SNTG1: variants seen among roughly 807,000 people sequenced by gnomAD.
SNTG1 encodes gamma-1-syntrophin.
In SNTG1, 39 loss-of-function variants were observed where a neutral mutation model predicts 74.7. That is an observed-to-expected ratio of 0.52 (90% CI 0.40 to 0.68). SNTG1 has a LOEUF of 0.68. Ranked by LOEUF, SNTG1 falls within the 30% of genes least tolerant of loss-of-function variation. The probability of loss-of-function intolerance (pLI) is 0.00; values close to 1 mark genes in which losing one functional copy is unlikely to be tolerated. For missense variants in SNTG1, 685 were observed against 609.5 expected (o/e 1.12, Z -1.30); for synonymous variants, 254 against 217.1 (o/e 1.17, Z -1.49).
intron 2 of SNTG1, among the ~76,000 whole-genome samples, chr8:50,318,837 A>G (rs572129014): frequency 6.6e-6 from 1 of 152,148 alleles, no homozygotes; most frequent in Non-Finnish European, 1.5e-5. Flanking sequence ...TTCTATTTTA[A>G]TATACCTCTC....
chr8:50,730,287 G>A (rs974000677), intron 17 of SNTG1, among the ~76,000 whole-genome samples: 8 of 152,162 alleles, frequency 5.3e-5, no homozygotes, highest in East Asian at 1.9e-4. Context: ...GAGTGAGGCC[G>A]AGGGGATGAA....
intron 1 of SNTG1, among the ~76,000 whole-genome samples, chr8:50,074,525 C>G (rs529179016): frequency 6.6e-6 from 1 of 152,182 alleles, no homozygotes; most frequent in African/African-American, 2.4e-5. Context: ...GTTGTTGGAA[C>G]AGTCAAAACA....
intron 17 of SNTG1, among the ~76,000 whole-genome samples, chr8:50,751,450 C>T (rs1474801900): frequency 6.6e-6 from 1 of 152,000 alleles, no homozygotes; most frequent in Non-Finnish European, 1.5e-5. Flanking sequence ...TTACTTTCTG[C>T]TTCAGAGAAT....
At chr8:50,258,512 AT>A (rs1262356280) in intron 2 of SNTG1, among the ~76,000 whole-genome samples, 9 of 152,316 alleles carry the variant, frequency 5.9e-5, no homozygotes, top group Admixed American at 2.6e-4. Context: ...ATATTCAAAC[AT>A]TTAAAAAATT....
chr8:50,729,299 T>C (rs1365034370), intron 17 of SNTG1, among the ~76,000 whole-genome samples: 1 of 152,208 alleles, frequency 6.6e-6, no homozygotes, highest in Non-Finnish European at 1.5e-5. Context: ...ATATAATGTG[T>C]AGCCCTGGAT....
In SNTG1 at chr8:50,631,585, G is replaced by A. The variant is rs1458893386; in HGVS notation, c.850-25324G>A. On this transcript the variant is annotated intron_variant, in intron 13 of 18. Coordinates refer to ENST00000642720, the MANE Select transcript of SNTG1 (RefSeq NM_018967.5). ...GATCACATGTTATATAGGCAAATTC[G>A]AGAAGGATAAGTAAAGAGAAGCCCC... Among the ~76,000 whole-genome samples, 6 of 152,158 alleles carry A rather than the reference G, an allele frequency of 3.9e-5. No homozygotes were observed. In the South Asian group the frequency reaches 1.2e-3, roughly 32 times the overall value.
chr8:50,504,031 C>T (rs1359980922), intron 9 of SNTG1, among the ~76,000 whole-genome samples: 3 of 152,108 alleles, frequency 2.0e-5, no homozygotes, highest in African/African-American at 7.2e-5. Context: ...GTGTGGTTCT[C>T]CTCTATTTGT....
At chr8:50,677,015 C>A (rs938602464) in intron 15 of SNTG1, among the ~76,000 whole-genome samples, 14 of 151,652 alleles carry the variant, frequency 9.2e-5, no homozygotes, top group Non-Finnish European at 1.5e-4. Flanking sequence ...CAAAATAAAC[C>A]AACATCTTAT....
intron 1 of SNTG1, among the ~76,000 whole-genome samples, chr8:49,944,150 C>T (rs534011340): frequency 6.6e-6 from 1 of 152,172 alleles, no homozygotes; most frequent in East Asian, 1.9e-4. Context: ...TGATAGGATC[C>T]AAGTACCAAG....
intron 1 of SNTG1, among the ~76,000 whole-genome samples, chr8:49,938,669 TTCCTTCCTTCCC>T (rs768340752): frequency 2.6e-4 from 38 of 148,004 alleles, no homozygotes; most frequent in Admixed American, 2.0e-3. Flanking sequence ...TCTTCCTTCC[TTCCTTCCTTCCC>T]TCCTTCTTTC....
intron 2 of SNTG1, among the ~76,000 whole-genome samples, chr8:50,361,569 G>A (rs2091960291): frequency 6.6e-6 from 1 of 152,120 alleles, no homozygotes; most frequent in Non-Finnish European, 1.5e-5. Flanking sequence ...CAAAGTCGCT[G>A]GGATTACAGG....
intron 1 of SNTG1, among the ~76,000 whole-genome samples, chr8:50,005,189 AAAG>A (rs139378892): frequency 0.027 from 4,067 of 152,188 alleles, 79 homozygotes; most frequent in Non-Finnish European, 0.037. Context: ...AAGCATACCT[AAAG>A]AAGAAAAATA....
In SNTG1 at chr8:50,351,327, C is replaced by A. The variant is rs142412988; in HGVS notation, c.-27-42885C>A. ...TGATGGAACACTTCTACACACAGAA[C>A]GTCCCTTCACTCACCATTTGGCTAC... is the stretch of plus-strand genomic sequence containing the variant. On this transcript the variant is annotated intron_variant, in intron 2 of 18. Transcript: ENST00000642720. Among the ~76,000 whole-genome samples the A allele has an allele frequency of 4.0e-3, 602 of 152,306 alleles. 7 individuals are homozygous for A. Among genetic ancestry groups the A allele is most frequent in the South Asian group, 0.032 (154 of 4,830 alleles).
At chr8:50,432,885 G>A (rs1398190491) in intron 4 of SNTG1, among the ~76,000 whole-genome samples, 3 of 152,006 alleles carry the variant, frequency 2.0e-5, no homozygotes, top group Admixed American at 6.6e-5. Context: ...CCACCTCCCT[G>A]GTTCAAACGA....
chr8:50,475,187 C>T (rs2093686911), intron 8 of SNTG1, among the ~76,000 whole-genome samples: 1 of 151,338 alleles, frequency 6.6e-6, no homozygotes. Context: ...TGTAACAAAC[C>T]TGCACGTTGT....
At chr8:50,165,323 T>A (rs1252450334) in intron 1 of SNTG1, among the ~76,000 whole-genome samples, 1 of 152,204 alleles carries the variant, frequency 6.6e-6, no homozygotes, top group Non-Finnish European at 1.5e-5. Context: ...GTGCAGTCAG[T>A]GACAGAGATG....
At chr8:50,586,026 C>A (rs1358794349) in intron 12 of SNTG1, among the ~76,000 whole-genome samples, 1 of 152,114 alleles carries the variant, frequency 6.6e-6, no homozygotes, top group African/African-American at 2.4e-5. Flanking sequence ...TTCATTTTCC[C>A]TCTATCTGTT....
intron 1 of SNTG1, among the ~76,000 whole-genome samples, chr8:50,021,721 T>A (rs1816833352): frequency 1.3e-5 from 2 of 151,928 alleles, no homozygotes; most frequent in African/African-American, 4.8e-5. Flanking sequence ...GATCACTTGA[T>A]CCCCAAGAGT....
At chr8:50,002,068 A>G (rs1814790200) in intron 1 of SNTG1, among the ~76,000 whole-genome samples, 2 of 152,166 alleles carry the variant, frequency 1.3e-5, no homozygotes, top group Admixed American at 1.3e-4. Context: ...AGCACCACCA[A>G]CACTAGACAT....
Sources: gnomAD v4.1 joint callset for allele counts (sites outside exome capture counted in the v4.1 genomes callset) on GRCh38, gnomAD v4.1.1 for gene constraint, MANE v1.5 for transcripts, NCBI Gene and HGNC (gene_info 2026-07-23, HGNC 2026-07-21) for gene names.